The following TOX variants were observed in gnomAD, a reference collection of about 807,000 sequenced individuals.
The protein encoded by TOX is thymocyte selection-associated high mobility group box protein TOX.
In TOX, 11 loss-of-function variants were observed where a neutral mutation model predicts 53.7. That is an observed-to-expected ratio of 0.20 (90% CI 0.13 to 0.34). The LOEUF (loss-of-function observed/expected upper bound fraction) is 0.34. TOX is among the 10% of genes least tolerant of loss of function. The probability of loss-of-function intolerance (pLI) is 1.00; values close to 1 mark genes in which losing one functional copy is unlikely to be tolerated. For synonymous variants in TOX, 225 were observed against 245.3 expected (o/e 0.92, Z 0.77); for missense variants, 570 against 664.6 (o/e 0.86, Z 1.56).
At chr8:59,043,687 T>C (rs1803636545) in intron 1 of TOX, among the ~76,000 whole-genome samples, 1 of 152,202 alleles carries the variant, frequency 6.6e-6, no homozygotes, top group Non-Finnish European at 1.5e-5. Context: ...GTATTCATTA[T>C]AGAGCATGGA....
intron 1 of TOX, among the ~76,000 whole-genome samples, chr8:58,998,529 A>AATAAATTTATGTTATAAATT: frequency 6.3e-5 from 1 of 15,852 alleles, no homozygotes; most frequent in Non-Finnish European, 1.4e-4. Flanking sequence ...ATATATATAT[A>AATAAATTTATGTTATAAATT]TATATATATA....
At chr8:58,832,448 C>G (rs1471260519) in intron 5 of TOX, among the ~76,000 whole-genome samples, 4 of 152,018 alleles carry the variant, frequency 2.6e-5, no homozygotes, top group Non-Finnish European at 4.4e-5. Context: ...TACAGTGCGA[C>G]AGGATTTTAG....
intron 1 of TOX, among the ~76,000 whole-genome samples, chr8:59,053,924 C>G (rs117748857): frequency 0.023 from 3,546 of 152,170 alleles, 119 homozygotes; most frequent in East Asian, 0.11. Flanking sequence ...CATACATTTT[C>G]AAAAAGAAAA....
chr8:58,858,441 C>T (rs1303357292), intron 3 of TOX, among the ~76,000 whole-genome samples: 1 of 152,260 alleles, frequency 6.6e-6, no homozygotes, highest in African/African-American at 2.4e-5. Flanking sequence ...GCACCACCGC[C>T]TCGGCTGGCT....
intron 5 of TOX, among the ~76,000 whole-genome samples, chr8:58,831,879 T>C (rs1353275270): frequency 1.3e-5 from 2 of 152,104 alleles, no homozygotes; most frequent in Non-Finnish European, 2.9e-5. Flanking sequence ...AGTGGACTGA[T>C]ATACAGGTAT....
chr8:59,060,629 AAAACAAAC>A (rs200698883), intron 1 of TOX, among the ~76,000 whole-genome samples: 8 of 152,204 alleles, frequency 5.3e-5, no homozygotes, highest in Admixed American at 2.6e-4. Context: ...TTCATCTCAA[AAAACAAAC>A]AAACAAACAA....
chr8:58,865,334 C>T (rs763405829), intron 3 of TOX, among the ~76,000 whole-genome samples: 1 of 151,988 alleles, frequency 6.6e-6, no homozygotes, highest in Non-Finnish European at 1.5e-5. Flanking sequence ...AATATTCATG[C>T]CAACAATCAG....
At position 58,851,441 on chromosome 8, in the gene TOX, T is replaced by G; in HGVS notation, c.693+83A>C. The G allele has an allele frequency of 1.7e-4, 251 of 1,464,134 alleles. No individual in the cohort carries two copies. Among genetic ancestry groups the G allele is most frequent in the Non-Finnish European group, 2.1e-4 (228 of 1,068,540 alleles). The allele number at this position is 1,464,134 out of a possible 1,614,324, so 90.7% of individuals were successfully genotyped here. ...CTCCCTCCAATGTTTCTCGCATGGA[T>G]GATATAAACTTGTACCCAGCACAGG... On this transcript the variant is annotated intron_variant, in intron 4 of 8. Coordinates refer to ENST00000361421, the MANE Select transcript of TOX (RefSeq NM_014729.3). This position sits in a 1 kb window ranked among gnomAD's most constrained non-coding sequence, Gnocchi z 4.4.
chr8:58,944,712 G>T (rs947422342), intron 2 of TOX, among the ~76,000 whole-genome samples: 2 of 152,200 alleles, frequency 1.3e-5, no homozygotes. Flanking sequence ...ATATGTGTTT[G>T]CCAGATACAA....
chr8:58,867,807 T>C (rs1811129198), intron 3 of TOX, among the ~76,000 whole-genome samples: 1 of 152,170 alleles, frequency 6.6e-6, no homozygotes, highest in Admixed American at 6.5e-5. Flanking sequence ...GAGGGCTGGC[T>C]TTTTTGCTTG....
intron 1 of TOX, among the ~76,000 whole-genome samples, chr8:59,073,233 C>T (rs9792192): frequency 0.3 from 46,177 of 152,086 alleles, 12,078 homozygotes; most frequent in African/African-American, 0.71. Context: ...CCTCTATCTG[C>T]GCTTCTGTTT....
At chr8:58,829,460 G>A (rs549488939) in intron 5 of TOX, among the ~76,000 whole-genome samples, 9 of 152,088 alleles carry the variant, frequency 5.9e-5, no homozygotes, top group Admixed American at 1.3e-4. Context: ...AACTCATCAC[G>A]TCACATTACA....
At position 59,118,661 on chromosome 8, in the gene TOX, C is replaced by A. The variant is rs994328288; in HGVS notation, c.102+225G>T. On this transcript the variant is annotated intron_variant, in intron 1 of 8. Coordinates refer to ENST00000361421, the MANE Select transcript of TOX (RefSeq NM_014729.3). This position sits in a 1 kb window ranked among gnomAD's most constrained non-coding sequence, Gnocchi z 4.1. ...CCGCGAACAGCAGGAAGGAAAGAAT[C>A]CGAGCAAATCGTGTCACTTTCCGCA... 6.6e-6 allele frequency among the ~76,000 whole-genome samples: 1 copy of A among 152,200 alleles called. No individual in the cohort carries two copies. The highest frequency in any genetic ancestry group is 1.5e-5 in the Non-Finnish European group (1 of 68,032).
chr8:58,972,854 G>T (rs941533398), intron 1 of TOX, among the ~76,000 whole-genome samples: 1 of 152,114 alleles, frequency 6.6e-6, no homozygotes, highest in African/African-American at 2.4e-5. Flanking sequence ...ATTAATGTTA[G>T]ATTAAGTAGT....
intron 1 of TOX, among the ~76,000 whole-genome samples, chr8:58,979,351 G>A (rs1409924028): frequency 6.6e-6 from 1 of 152,152 alleles, no homozygotes; most frequent in Non-Finnish European, 1.5e-5. Context: ...TTCAGGCTAT[G>A]TTGATACAGA....
chr8:59,077,908 A>G lies in TOX; in HGVS notation c.102+40978T>C, dbSNP rs554893353. 5.9e-5 allele frequency among the ~76,000 whole-genome samples: 9 copies of G among 152,298 alleles called. No individual in the cohort carries two copies. The East Asian group carries it at 1.7e-3, about 29-fold the overall frequency. On this transcript the variant is annotated intron_variant, in intron 1 of 8. Coordinates refer to ENST00000361421, the MANE Select transcript of TOX (RefSeq NM_014729.3). ...CTTAATCATGGTAAGACAAATGTGA[A>G]ATGTAGTAAGTGGCAACTTGCTTCT...
At position 59,025,708 on chromosome 8, in the gene TOX, C is replaced by T. The variant is rs143442828; in HGVS notation, c.103-65700G>A. On this transcript the variant is annotated intron_variant, in intron 1 of 8. Transcript: ENST00000361421. ...CAAGGCCCAACTCAGAGGTCACCTT[C>T]TCAATGGCTCTCCAGCTCCTGTTTC... is the stretch of plus-strand genomic sequence containing the variant. Among the ~76,000 whole-genome samples the T allele has an allele frequency of 4.9e-4, 75 of 152,272 alleles. No homozygotes were observed. In the East Asian group the frequency reaches 6.0e-3, roughly 12 times the overall value.
intron 7 of TOX, among the ~76,000 whole-genome samples, chr8:58,810,560 C>T (rs1810060584): frequency 6.6e-6 from 1 of 151,888 alleles, no homozygotes; most frequent in Non-Finnish European, 1.5e-5. Context: ...GCCATATTTC[C>T]CAGGCTCATT....
At chr8:59,054,423 T>C (rs1318295392) in intron 1 of TOX, among the ~76,000 whole-genome samples, 1 of 152,222 alleles carries the variant, frequency 6.6e-6, no homozygotes, top group Non-Finnish European at 1.5e-5. Context: ...CCTTTTATCT[T>C]GCCAATCTAT....
Sources: allele counts gnomAD v4.1 joint callset (sites outside exome capture counted in the v4.1 genomes callset), GRCh38; gene constraint gnomAD v4.1.1; non-coding constraint Gnocchi (gnomAD v3.1); transcripts MANE v1.5; gene names NCBI Gene and HGNC (gene_info 2026-07-23, HGNC 2026-07-21).